Variants in CHRM2 observed in about 807,000 individuals in gnomAD.
CHRM2 encodes muscarinic acetylcholine receptor M2.
A neutral mutation model predicts 25.0 loss-of-function variants in CHRM2; 8 were observed. The observed-to-expected ratio is 0.32, with a 90% CI of 0.19 to 0.58. CHRM2 has a LOEUF of 0.58. CHRM2 is among the 20% of genes least tolerant of loss of function. The pLI is 0.88. For synonymous variants in CHRM2, 202 were observed against 205.7 expected, an observed-to-expected ratio of 0.98 and a Z score of 0.15; for missense variants, 440 against 567.1, an observed-to-expected ratio of 0.78 and a Z score of 2.28.
intron 2 of CHRM2, among the ~76,000 whole-genome samples, chr7:136,930,623 C>T (rs1324393374): frequency 6.6e-6 from 1 of 151,590 alleles, no homozygotes; most frequent in Non-Finnish European, 1.5e-5. Flanking sequence ...AAATGCCAGG[C>T]GCGGTGGCTC....
In CHRM2 at chr7:136,952,606, T is replaced by A. The variant is rs1347618741; in HGVS notation, c.-124-39581T>A. 3.9e-5 allele frequency among the ~76,000 whole-genome samples: 6 copies of A among 152,056 alleles called. No homozygotes were observed. In the East Asian group the frequency reaches 1.2e-3, roughly 29 times the overall value. ...TTTTTTTTAAGTTCAGGGGTACATG[T>A]GCAGGTTTTTTGCATAGATAAACTT... On this transcript the variant is annotated intron_variant, in intron 2 of 3. Transcript: ENST00000680005.
chr7:136,877,335 G>T (rs1017368658), intron 2 of CHRM2, among the ~76,000 whole-genome samples: 10 of 152,060 alleles, frequency 6.6e-5, no homozygotes, highest in African/African-American at 2.4e-4. Context: ...ATGGGACACA[G>T]TCCCATTTGC....
At chr7:137,006,015 C>A (rs549804275) in intron 3 of CHRM2, among the ~76,000 whole-genome samples, 12 of 151,992 alleles carry the variant, frequency 7.9e-5, no homozygotes, top group Non-Finnish European at 1.2e-4. Flanking sequence ...TTCTTCCTTG[C>A]GGGAACAAAA....
chr7:136,996,173 A>G (rs1803589259), intron 3 of CHRM2, among the ~76,000 whole-genome samples: 1 of 152,100 alleles, frequency 6.6e-6, no homozygotes, highest in Non-Finnish European at 1.5e-5. Context: ...TAGTTTATAT[A>G]AATTACAGTT....
intron 2 of CHRM2, among the ~76,000 whole-genome samples, chr7:136,873,204 T>C (rs142575030): frequency 1.0e-3 from 155 of 152,330 alleles, no homozygotes; most frequent in African/African-American, 3.3e-3. Context: ...CTTTGGTTCA[T>C]TGAGCAGGCA....
At chr7:136,882,139 A>G (rs754744250) in intron 2 of CHRM2, among the ~76,000 whole-genome samples, 12 of 152,018 alleles carry the variant, frequency 7.9e-5, no homozygotes, top group Non-Finnish European at 4.4e-5. Flanking sequence ...TACTGTTTGA[A>G]TATTGGTCTA....
intron 2 of CHRM2, among the ~76,000 whole-genome samples, chr7:136,969,586 T>C (rs1801632690): frequency 6.6e-6 from 1 of 152,188 alleles, no homozygotes; most frequent in South Asian, 2.1e-4. Flanking sequence ...CACACATTCT[T>C]GTCTTCTGAT....
At chr7:136,889,067 AAAAAAAG>A (rs1796590901) in intron 2 of CHRM2, among the ~76,000 whole-genome samples, 1 of 149,556 alleles carries the variant, frequency 6.7e-6, no homozygotes, top group Non-Finnish European at 1.5e-5. Flanking sequence ...AAAAAAAAAA[AAAAAAAG>A]TAATTACCAT....
rs76040419 is a variant in CHRM2, at chr7:136,925,720, C to T, written c.-125+56302C>T. On this transcript the variant is annotated intron_variant, in intron 2 of 3. Coordinates refer to ENST00000680005, the MANE Select transcript of CHRM2 (RefSeq NM_001006630.2). Reference sequence around the variant, plus strand: ...AATATTCAGGGCTTTTTAGCTAAAACAGCTCTTGACTCACTTTCAAGTCTC... The same window carrying T: ...AATATTCAGGGCTTTTTAGCTAAAATAGCTCTTGACTCACTTTCAAGTCTC... 4.1e-3 allele frequency among the ~76,000 whole-genome samples: 618 copies of T among 152,278 alleles called. 4 individuals carry two copies. The highest frequency in any genetic ancestry group is 0.014 in the African/African-American group (586 of 41,558).
chr7:136,954,719 G>T (rs1166783865), intron 2 of CHRM2, among the ~76,000 whole-genome samples: 2 of 152,294 alleles, frequency 1.3e-5, no homozygotes, highest in African/African-American at 4.8e-5. Flanking sequence ...ACTGTGATTG[G>T]AGCCCAGGAA....
intron 2 of CHRM2, among the ~76,000 whole-genome samples, chr7:136,929,362 A>G (rs1485469076): frequency 6.6e-6 from 1 of 151,338 alleles, no homozygotes; most frequent in East Asian, 1.9e-4. Flanking sequence ...AGAAGTTTAT[A>G]TGTTCTGACT....
chr7:136,910,882 C>G (rs1797809068), intron 2 of CHRM2, among the ~76,000 whole-genome samples: 1 of 151,514 alleles, frequency 6.6e-6, no homozygotes, highest in South Asian at 2.1e-4. Context: ...ATTATAGTCA[C>G]TCAGTTGTCA....
intron 3 of CHRM2, among the ~76,000 whole-genome samples, chr7:137,012,489 T>C (rs1804888970): frequency 6.6e-6 from 1 of 152,010 alleles, no homozygotes; most frequent in Admixed American, 6.6e-5. Flanking sequence ...ACATATGTAA[T>C]ATTACATATA....
In CHRM2 at chr7:137,015,931, G is replaced by A; in HGVS notation, c.1066G>A (p.Glu356Lys). 2.5e-6 allele frequency: 4 copies of A among 1,613,124 alleles called. No individual in the cohort carries two copies. The highest frequency in any genetic ancestry group is 3.4e-6 in the Non-Finnish European group (4 of 1,179,442). The change falls in exon 4 of 4, where the codon GAA becomes AAA. Residue 356 changes from glutamate to lysine, a missense_variant. By Grantham distance (56) the Glu-to-Lys change is moderately conservative (BLOSUM62 1). Coordinates refer to ENST00000680005, the MANE Select transcript of CHRM2 (RefSeq NM_001006630.2). The surrounding 1 kb of genome is among the most constrained non-coding windows in gnomAD (Gnocchi z 5.1). Reference sequence around the variant, plus strand: ...GGGGTCTTCAGGTCAGAATGGAGATGAAAAGCAGAATATTGTAGCCCGCAA... The same window carrying A: ...GGGGTCTTCAGGTCAGAATGGAGATAAAAAGCAGAATATTGTAGCCCGCAA... ...VVGSSGQNGD[E>K]KQNIVARKIV...
intron 2 of CHRM2, among the ~76,000 whole-genome samples, chr7:136,882,946 CT>C (rs1796322209): frequency 6.6e-6 from 1 of 152,102 alleles, no homozygotes; most frequent in Non-Finnish European, 1.5e-5. Context: ...ACAGTTTCCT[CT>C]TTTTACTTGA....
In CHRM2 at chr7:136,960,514, T is replaced by G. The variant is rs73447112; in HGVS notation, c.-124-31673T>G. On this transcript the variant is annotated intron_variant, in intron 2 of 3. Coordinates refer to ENST00000680005, the MANE Select transcript of CHRM2 (RefSeq NM_001006630.2). ...AAGGAGTCAAATAGATCACGATACC[T>G]CCCAACTCAGAAACCAGAGGTAAAC... is the stretch of plus-strand genomic sequence containing the variant. Among the ~76,000 whole-genome samples the G allele has an allele frequency of 4.8e-3, 736 of 152,220 alleles. 7 individuals carry two copies. Among genetic ancestry groups the G allele is most frequent in the African/African-American group, 0.017 (695 of 41,532 alleles).
At chr7:136,966,815 T>C (rs531028199) in intron 2 of CHRM2, among the ~76,000 whole-genome samples, 16 of 151,998 alleles carry the variant, frequency 1.1e-4, no homozygotes, top group Non-Finnish European at 1.6e-4. Flanking sequence ...AATAATGTAT[T>C]GATGTGTCTA....
intron 2 of CHRM2, among the ~76,000 whole-genome samples, chr7:136,912,820 C>T (rs1026506081): frequency 4.0e-5 from 6 of 151,852 alleles, no homozygotes; most frequent in Admixed American, 3.3e-4. Flanking sequence ...CAAATAACAA[C>T]ATACACAGCA....
chr7:137,001,896 G>C (rs1383122904), intron 3 of CHRM2, among the ~76,000 whole-genome samples: 1 of 152,152 alleles, frequency 6.6e-6, no homozygotes, highest in Admixed American at 6.5e-5. Flanking sequence ...TGACATGAGA[G>C]ATTGGGAAAC....
Sources: allele counts gnomAD v4.1 joint callset (sites outside exome capture counted in the v4.1 genomes callset), GRCh38; gene constraint gnomAD v4.1.1; non-coding constraint Gnocchi (gnomAD v3.1); transcripts MANE v1.5; gene names NCBI Gene and HGNC (gene_info 2026-07-23, HGNC 2026-07-21).